Variants in DDX60 observed in about 807,000 individuals in gnomAD.
DDX60 encodes probable ATP-dependent RNA helicase DDX60.
In DDX60, 165 loss-of-function variants were observed where a neutral mutation model predicts 212.8. The observed-to-expected ratio is 0.78, with a 90% CI of 0.68 to 0.88. The LOEUF is 0.88. Ranked by LOEUF, DDX60 falls within the 40% of genes least tolerant of loss-of-function variation. The probability of loss-of-function intolerance (pLI) is 0.00; values close to 1 mark genes in which losing one functional copy is unlikely to be tolerated. For missense variants in DDX60, 1,905 were observed against 2,003.9 expected, an observed-to-expected ratio of 0.95 and a Z score of 0.94; for synonymous variants, 703 against 685.3, an observed-to-expected ratio of 1.03 and a Z score of -0.40.
At chr4:168,319,039 G>A (rs1209643824), upstream of DDX60, among the ~76,000 whole-genome samples, 5 of 152,162 alleles carry the variant, frequency 3.3e-5, no homozygotes, top group Admixed American at 3.3e-4. Context: ...AAAATAGCTA[G>A]AAGAGAGAAT....
chr4:168,265,545 G>T (rs969776365), intron 22 of DDX60: 2 of 152,118 alleles, frequency 1.3e-5, no homozygotes, highest in Non-Finnish European at 2.9e-5. Context: ...CATGACCTTT[G>T]CAGAAGTCAT....
the DDX60 span, among the ~76,000 whole-genome samples, chr4:168,325,368 T>G: frequency 6.6e-6 from 1 of 152,220 alleles, no homozygotes; most frequent in African/African-American, 2.4e-5. Flanking sequence ...TGCCAACAAT[T>G]TTTATTTTTT....
Position 168,267,638 on chromosome 4 carries a change from G to A in DDX60, c.2983C>T (p.His995Tyr), listed in dbSNP as rs1734905469. ...DLEKHVCSIK[H>Y]GDIHFDHFHP... is the part of the protein sequence containing the mutation. Reference sequence around the variant, plus strand: ...AAATGATCAAAATGAATGTCACCATGTTTTATTGAACATACATGCTTCTCT... The same window carrying A: ...AAATGATCAAAATGAATGTCACCATATTTTATTGAACATACATGCTTCTCT... Residue 995 changes from histidine to tyrosine, a missense_variant, in exon 22 of 38, where the codon CAT (histidine) becomes TAT (tyrosine). Coordinates refer to ENST00000393743, the MANE Select transcript of DDX60 (RefSeq NM_017631.6). The A allele has an allele frequency of 1.2e-6, 2 of 1,603,890 alleles. No individual in the cohort carries two copies. The highest frequency in any genetic ancestry group is 1.3e-5 in the African/African-American group (1 of 74,842).
intron 19 of DDX60, among the ~76,000 whole-genome samples, chr4:168,269,580 A>C (rs928522263): frequency 6.6e-6 from 1 of 152,094 alleles, no homozygotes; most frequent in South Asian, 2.1e-4. Context: ...CAGCCTGGGC[A>C]ACAGAGCGAG....
rs1178652289 is a variant in DDX60 at position 168,236,108 on chromosome 4, A to C, written c.4533+144T>G. On this transcript the variant is annotated intron_variant, in intron 33 of 37. Coordinates refer to ENST00000393743, the MANE Select transcript of DDX60 (RefSeq NM_017631.6). ...AGACATCAATTACAGATTAAATATCACACTGATTACAAAAAGAACAAATTA... is the reference window on the plus strand; with the variant it reads ...AGACATCAATTACAGATTAAATATCCCACTGATTACAAAAAGAACAAATTA... 5 of 726,706 alleles carry C rather than the reference A, an allele frequency of 6.9e-6. No individual in the cohort carries two copies. The South Asian group carries it at 1.1e-4, about 16-fold the overall frequency. The allele number at this position is 726,706 out of a possible 1,614,324, so 45.0% of individuals were successfully genotyped here. A position where few individuals can be genotyped will look rare whatever the true frequency, so the allele number is the denominator to read the frequency against.
intron 26 of DDX60, among the ~76,000 whole-genome samples, chr4:168,254,116 G>A (rs905611360): frequency 6.6e-5 from 10 of 152,160 alleles, no homozygotes; most frequent in African/African-American, 1.2e-4. Flanking sequence ...GTAATAAACC[G>A]TCAAATAAAA....
intron 13 of DDX60, among the ~76,000 whole-genome samples, chr4:168,281,361 T>C (rs947033794): frequency 7.9e-5 from 12 of 152,214 alleles, no homozygotes; most frequent in African/African-American, 2.9e-4. Context: ...ATTCTTCCTC[T>C]GCTCAGACAC....
At chr4:168,246,991 A>T (rs772011902) in intron 29 of DDX60, among the ~76,000 whole-genome samples, 1 of 152,206 alleles carries the variant, frequency 6.6e-6, no homozygotes, top group East Asian at 1.9e-4. Context: ...CATCTTCCCC[A>T]TCTCTCATCC....
intron 24 of DDX60, among the ~76,000 whole-genome samples, chr4:168,261,555 A>G (rs1734623842): frequency 6.6e-6 from 1 of 152,244 alleles, no homozygotes; most frequent in Admixed American, 6.5e-5. Context: ...TCTGTAACTT[A>G]TATAATTCCA....
At chr4:168,261,950 T>C (rs760172242) in intron 24 of DDX60, 50 bp downstream of exon 24, 32 of 1,561,344 alleles carry the variant, frequency 2.0e-5, no homozygotes, top group Non-Finnish European at 6.0e-6. Context: ...ATGATATAAC[T>C]CAAGAAAACA....
chr4:168,324,691 G>A, the DDX60 span, among the ~76,000 whole-genome samples: 64 of 152,206 alleles, frequency 4.2e-4, no homozygotes, highest in Non-Finnish European at 7.8e-4. Flanking sequence ...ATAATTTTCA[G>A]GAATTTAACC....
At chr4:168,221,266 A>G (rs983458934) in intron 36 of DDX60, among the ~76,000 whole-genome samples, 12 of 152,292 alleles carry the variant, frequency 7.9e-5, no homozygotes, top group African/African-American at 2.9e-4. Flanking sequence ...GGATAAATCC[A>G]ACAGTGTTTA....
intron 33 of DDX60, among the ~76,000 whole-genome samples, chr4:168,232,413 A>T (rs1358554210): frequency 1.3e-5 from 2 of 152,116 alleles, no homozygotes; most frequent in Admixed American, 1.3e-4. Flanking sequence ...AAGGAAAACT[A>T]AGCAAAAAGA....
chr4:168,325,549 C>T, the DDX60 span, among the ~76,000 whole-genome samples: 2 of 152,142 alleles, frequency 1.3e-5, no homozygotes, highest in African/African-American at 2.4e-5. Context: ...ACAAAGGAAA[C>T]ATTTCCTCAT....
intron 18 of DDX60, 108 bp downstream of exon 18, chr4:168,273,171 A>T: frequency 1.7e-6 from 2 of 1,161,116 alleles, no homozygotes; most frequent in Admixed American, 2.7e-5. Flanking sequence ...CATAAATTCA[A>T]ATAAATTATT....
rs955753632 is a variant in DDX60, at chr4:168,287,015, C to T, written c.1339+33G>A. The T allele has an allele frequency of 5.9e-6, 9 of 1,537,942 alleles. No individual in the cohort carries two copies. The Admixed American group carries it at 5.9e-5, about 10-fold the overall frequency. On this transcript the variant is annotated intron_variant, in intron 10 of 37. Coordinates refer to ENST00000393743, the MANE Select transcript of DDX60 (RefSeq NM_017631.6). ...CCTAAACACTTTCAGAGGAATAATGCTTTCATTTCAGATTAATTTAGAAAT... is the reference window on the plus strand; with the variant it reads ...CCTAAACACTTTCAGAGGAATAATGTTTTCATTTCAGATTAATTTAGAAAT...
chr4:168,287,669 G>C (rs1735919973), intron 9 of DDX60, among the ~76,000 whole-genome samples: 1 of 152,234 alleles, frequency 6.6e-6, no homozygotes, highest in South Asian at 2.1e-4. Context: ...CAATCAGTTA[G>C]AGTTCTGTCC....
At chr4:168,294,049 A>C in intron 6 of DDX60, 104 bp from the exon 7 acceptor site, 1 of 1,029,320 alleles carries the variant, frequency 9.7e-7, no homozygotes, top group Non-Finnish European at 1.4e-6. Flanking sequence ...CATGTGTGAC[A>C]AAATAATCTG....
chr4:168,318,772 A>G (rs541936408), upstream of DDX60: 6 of 152,412 alleles, frequency 3.9e-5, no homozygotes, highest in Non-Finnish European at 8.8e-5. Flanking sequence ...CACCGCAGCC[A>G]GTCTTTTATG....
Sources: gnomAD v4.1 joint callset for allele counts (sites outside exome capture counted in the v4.1 genomes callset) on GRCh38, gnomAD v4.1.1 for gene constraint, MANE v1.5 for transcripts, NCBI Gene and HGNC (gene_info 2026-07-23, HGNC 2026-07-21) for gene names.